Variants in RAPGEF5 observed in about 807,000 individuals in gnomAD.
The protein encoded by RAPGEF5 is M-Ras-regulated GEF.
RAPGEF5 carries 65 observed loss-of-function variants against 125.2 expected under a neutral mutation model. That is an observed-to-expected ratio of 0.52 (90% CI 0.43 to 0.64). The LOEUF is 0.64. RAPGEF5 is among the 30% of genes least tolerant of loss of function. The probability of loss-of-function intolerance (pLI) is 0.00; values close to 1 mark genes in which losing one functional copy is unlikely to be tolerated. For synonymous variants in RAPGEF5, 391 were observed against 385.9 expected, an observed-to-expected ratio of 1.01 and a Z score of -0.16; for missense variants, 958 against 1,048.1, an observed-to-expected ratio of 0.91 and a Z score of 1.19.
At chr7:22,249,823 C>G (rs1413594242) in intron 7 of RAPGEF5, among the ~76,000 whole-genome samples, 2 of 152,190 alleles carry the variant, frequency 1.3e-5, no homozygotes, top group East Asian at 1.9e-4. Context: ...AGTCTGGCAT[C>G]TGAATCACTG....
intron 11 of RAPGEF5, among the ~76,000 whole-genome samples, chr7:22,173,634 T>C (rs1366662928): frequency 6.6e-6 from 1 of 152,240 alleles, no homozygotes; most frequent in Non-Finnish European, 1.5e-5. Flanking sequence ...AATCCTGTCA[T>C]TCCGTCTTCA....
chr7:22,232,789 A>G (rs1189984219), intron 7 of RAPGEF5, among the ~76,000 whole-genome samples: 1 of 152,178 alleles, frequency 6.6e-6, no homozygotes, highest in Non-Finnish European at 1.5e-5. Context: ...GGCATGAACA[A>G]TGTATCCCCA....
intron 7 of RAPGEF5, among the ~76,000 whole-genome samples, chr7:22,242,494 G>A (rs1786356295): frequency 6.6e-6 from 1 of 152,148 alleles, no homozygotes; most frequent in African/African-American, 2.4e-5. Context: ...TGACCCAGCT[G>A]AGAAGGGCCC....
At chr7:22,146,724 C>T (rs577856180) in intron 19 of RAPGEF5, among the ~76,000 whole-genome samples, 173 bp downstream of exon 19, 2 of 152,160 alleles carry the variant, frequency 1.3e-5, no homozygotes, top group Admixed American at 1.3e-4. Context: ...AGCATGCTCA[C>T]ATATTCTGAT....
intron 6 of RAPGEF5, among the ~76,000 whole-genome samples, chr7:22,276,791 A>C (rs145036088): frequency 1.5e-3 from 227 of 152,312 alleles, no homozygotes; most frequent in African/African-American, 5.0e-3. Flanking sequence ...GATTGTTGTG[A>C]GATTTAGACG....
intron 7 of RAPGEF5, among the ~76,000 whole-genome samples, chr7:22,236,247 T>C (rs1786185075): frequency 6.6e-6 from 1 of 152,210 alleles, no homozygotes; most frequent in South Asian, 2.1e-4. Context: ...ATCTTATCTG[T>C]TACTAGGGTT....
At chr7:22,281,066 T>C (rs1205923027) in intron 6 of RAPGEF5, among the ~76,000 whole-genome samples, 1 of 152,222 alleles carries the variant, frequency 6.6e-6, no homozygotes, top group Non-Finnish European at 1.5e-5. Flanking sequence ...ATGAATAAAA[T>C]GATAGTCTAC....
intron 1 of RAPGEF5, among the ~76,000 whole-genome samples, chr7:22,330,723 A>G (rs1486898358): frequency 1.3e-5 from 2 of 152,184 alleles, no homozygotes; most frequent in Non-Finnish European, 2.9e-5. Flanking sequence ...TTTAGATTCC[A>G]TCATGTCTAT....
Position 22,335,731 on chromosome 7 carries a change from C to T in RAPGEF5, c.232-17694G>A, listed in dbSNP as rs566616748. Among the ~76,000 whole-genome samples the T allele has an allele frequency of 1.7e-3, 249 of 148,448 alleles. 2 individuals carry two copies. Among genetic ancestry groups the T allele is most frequent in the Non-Finnish European group, 3.1e-3 (207 of 67,172 alleles). On this transcript the variant is annotated intron_variant, in intron 1 of 25. Transcript: ENST00000665637. The stretch of plus-strand genomic sequence containing the variant: ...AACAAAACAACAACAACAACAACAA[C>T]GAAACTTCCAAAGCTGTCCTAAAGG...
At chr7:22,193,583 G>C in intron 10 of RAPGEF5, 128 bp from the exon 11 acceptor site, 1 of 1,551,400 alleles carries the variant, frequency 6.4e-7, no homozygotes, top group South Asian at 1.2e-5. Context: ...GGCAAGGGCA[G>C]CTCTCGGTCT....
chr7:22,176,243 A>G (rs369420343), intron 11 of RAPGEF5, among the ~76,000 whole-genome samples: 6 of 152,258 alleles, frequency 3.9e-5, no homozygotes, highest in Non-Finnish European at 1.5e-5. Flanking sequence ...CCATGATTCA[A>G]TTCCCTCCCA....
intron 22 of RAPGEF5, 112 bp from the exon 23 acceptor site, chr7:22,136,237 C>T: frequency 2.8e-6 from 2 of 718,106 alleles, no homozygotes; most frequent in Admixed American, 3.4e-5. Flanking sequence ...AGAGAGATTC[C>T]TCCTAAGAAC....
At chr7:22,123,684 A>T (rs1782651805) in intron 25 of RAPGEF5, among the ~76,000 whole-genome samples, 2 of 152,260 alleles carry the variant, frequency 1.3e-5, no homozygotes, top group South Asian at 4.1e-4. Context: ...GCAAGTAAAC[A>T]CACTAGGTGT....
chr7:22,131,616 A>G (rs1003465415), intron 23 of RAPGEF5, among the ~76,000 whole-genome samples: 1 of 152,220 alleles, frequency 6.6e-6, no homozygotes, highest in African/African-American at 2.4e-5. Context: ...CTGATTGTGT[A>G]CCAGGAATAA....
intron 8 of RAPGEF5, among the ~76,000 whole-genome samples, chr7:22,230,186 T>G (rs1411333427): frequency 6.6e-6 from 1 of 152,204 alleles, no homozygotes; most frequent in Non-Finnish European, 1.5e-5. Flanking sequence ...AAGCCTGCAG[T>G]ATAATTTTAA....
chr7:22,124,014 A>G (rs745677694), intron 25 of RAPGEF5, among the ~76,000 whole-genome samples: 3 of 152,172 alleles, frequency 2.0e-5, no homozygotes, highest in Non-Finnish European at 2.9e-5. Flanking sequence ...TCCCAAACCA[A>G]TTTTTTAAAG....
chr7:22,257,610 C>T (rs1451921506), intron 7 of RAPGEF5, among the ~76,000 whole-genome samples: 2 of 152,124 alleles, frequency 1.3e-5, no homozygotes, highest in African/African-American at 4.8e-5. Flanking sequence ...TTGTACCTTG[C>T]CATTGTTCCT....
At chr7:22,178,366 C>T (rs572545273) in intron 11 of RAPGEF5, among the ~76,000 whole-genome samples, 2 of 152,186 alleles carry the variant, frequency 1.3e-5, no homozygotes, top group Non-Finnish European at 1.5e-5. Context: ...TCTGACACTA[C>T]CTGGAGATAG....
At chr7:22,277,055 G>C (rs765156270) in intron 6 of RAPGEF5, among the ~76,000 whole-genome samples, 1 of 152,104 alleles carries the variant, frequency 6.6e-6, no homozygotes, top group African/African-American at 2.4e-5. Context: ...CAGTCCCATT[G>C]CAACTAGAAT....
Sources: gnomAD v4.1 joint callset for allele counts (sites outside exome capture counted in the v4.1 genomes callset) on GRCh38, gnomAD v4.1.1 for gene constraint, MANE v1.5 for transcripts, NCBI Gene and HGNC (gene_info 2026-07-23, HGNC 2026-07-21) for gene names.